The following RNF180 variants were observed in gnomAD, a reference collection of about 807,000 sequenced individuals.
The protein encoded by RNF180 is E3 ubiquitin-protein ligase RNF180.
In RNF180, 38 loss-of-function variants were observed where a neutral mutation model predicts 59.2. The ratio of observed to expected loss-of-function variants is 0.64; its 90% confidence interval spans 0.50 to 0.84. RNF180 has a LOEUF of 0.84. Ranked by LOEUF, RNF180 falls within the 40% of genes least tolerant of loss-of-function variation. RNF180 has a pLI of 0.00. For synonymous variants in RNF180, 262 were observed against 240.3 expected, an observed-to-expected ratio of 1.09 and a Z score of -0.84; for missense variants, 705 against 700.9, an observed-to-expected ratio of 1.01 and a Z score of -0.07.
chr5:64,209,716 A>C (rs1225878433), intron 2 of RNF180, among the ~76,000 whole-genome samples: 1 of 152,098 alleles, frequency 6.6e-6, no homozygotes, highest in Non-Finnish European at 1.5e-5. Context: ...TGGATCTGAT[A>C]ATGAAAAGAT....
chr5:64,233,144 CA>C (rs879618149), intron 5 of RNF180, among the ~76,000 whole-genome samples: 7 of 151,966 alleles, frequency 4.6e-5, no homozygotes, highest in African/African-American at 1.4e-4. Flanking sequence ...TTTTCTCATC[CA>C]AAAAAATGGA....
chr5:64,272,109 T>G (rs1462471035), intron 5 of RNF180, among the ~76,000 whole-genome samples: 1 of 152,208 alleles, frequency 6.6e-6, no homozygotes, highest in East Asian at 1.9e-4. Flanking sequence ...GACATAGAGC[T>G]TAAGGTCTAG....
rs575033437 is a variant in RNF180, at chr5:64,242,434, A to G, written c.1227+25038A>G. On this transcript the variant is annotated intron_variant, in intron 5 of 7. Transcript: ENST00000389100. ...ATGAAGTGCCTGACAACTCAAAATC[A>G]CTGTTTTTAAGAAGCTCACTGAACC... Among the ~76,000 whole-genome samples, 104 of 152,280 alleles carry G rather than the reference A, an allele frequency of 6.8e-4. 1 individual carries two copies. The highest frequency in any genetic ancestry group is 2.5e-3 in the African/African-American group (103 of 41,560).
rs569968841 is a variant in RNF180 at position 64,268,237 on chromosome 5, A to G, written c.1227+50841A>G. On this transcript the variant is annotated intron_variant, in intron 5 of 7. Coordinates refer to ENST00000389100, the MANE Select transcript of RNF180 (RefSeq NM_001113561.2). The stretch of plus-strand genomic sequence containing the variant: ...TCCTACCTTATTTGGGTTTTACTTT[A>G]CAATAGACACAGCAGCAGAGAGTGT... Among the ~76,000 whole-genome samples the G allele has an allele frequency of 9.2e-5, 14 of 152,252 alleles. 2 individuals carry two copies. The highest frequency in any genetic ancestry group is 3.4e-4 in the African/African-American group (14 of 41,564).
chr5:64,331,940 C>T (rs1014955043), intron 7 of RNF180, among the ~76,000 whole-genome samples: 2 of 152,028 alleles, frequency 1.3e-5, no homozygotes, highest in African/African-American at 2.4e-5. Flanking sequence ...CAGCAGAAGC[C>T]GCATGAAGTA....
chr5:64,189,781 C>A (rs1751045795), intron 1 of RNF180, among the ~76,000 whole-genome samples: 1 of 152,180 alleles, frequency 6.6e-6, no homozygotes, highest in African/African-American at 2.4e-5. Flanking sequence ...GTTGGACAAT[C>A]TTTCCATCCA....
intron 5 of RNF180, among the ~76,000 whole-genome samples, chr5:64,291,919 G>A (rs1020644695): frequency 4.6e-5 from 7 of 151,804 alleles, no homozygotes; most frequent in Non-Finnish European, 7.4e-5. Context: ...TCTGTCCTTC[G>A]CTTGATCTCT....
chr5:64,200,154 G>A (rs1423325596), intron 1 of RNF180, among the ~76,000 whole-genome samples: 1 of 152,146 alleles, frequency 6.6e-6, no homozygotes, highest in East Asian at 1.9e-4. Flanking sequence ...CTGTAGGCCA[G>A]ATGCAGTGGT....
intron 3 of RNF180, among the ~76,000 whole-genome samples, chr5:64,212,687 A>G (rs1752372367): frequency 6.6e-6 from 1 of 152,194 alleles, no homozygotes; most frequent in Admixed American, 6.5e-5. Flanking sequence ...TGGTATAATC[A>G]AAATGAAAAT....
At chr5:64,313,984 T>C (rs138583435) in intron 5 of RNF180, among the ~76,000 whole-genome samples, 202 of 152,218 alleles carry the variant, frequency 1.3e-3, no homozygotes, top group African/African-American at 4.6e-3. Context: ...TGTCCTTTGC[T>C]AACTTTTTAA....
chr5:64,332,017 A>G (rs1744932626), intron 7 of RNF180, among the ~76,000 whole-genome samples: 1 of 152,192 alleles, frequency 6.6e-6, no homozygotes, highest in South Asian at 2.1e-4. Context: ...CACAGCAGCC[A>G]GCATGCCTGG....
intron 7 of RNF180, among the ~76,000 whole-genome samples, chr5:64,363,971 T>C (rs1746352634): frequency 6.6e-6 from 1 of 151,788 alleles, no homozygotes; most frequent in Admixed American, 6.6e-5. Flanking sequence ...GCTTATCAGC[T>C]TAAGAACTTT....
At chr5:64,313,977 C>G (rs766281646) in intron 5 of RNF180, among the ~76,000 whole-genome samples, 13 of 152,026 alleles carry the variant, frequency 8.6e-5, no homozygotes, top group Non-Finnish European at 1.2e-4. Context: ...TTGTTCATGT[C>G]CTTTGCTAAC....
rs578242736 is a variant in RNF180 at position 64,318,037 on chromosome 5, A to G, written c.1228-7149A>G. Among the ~76,000 whole-genome samples the G allele has an allele frequency of 2.2e-4, 34 of 152,294 alleles. 1 individual carries two copies. The South Asian group carries it at 6.8e-3, about 31-fold the overall frequency. On this transcript the variant is annotated intron_variant, in intron 5 of 7. Coordinates refer to ENST00000389100, the MANE Select transcript of RNF180 (RefSeq NM_001113561.2). Reference sequence around the variant, plus strand: ...GAATGGATCAATGGGTGCTCAAAGTATGGTTTCTACTGAATGCATATAATT... The same window carrying G: ...GAATGGATCAATGGGTGCTCAAAGTGTGGTTTCTACTGAATGCATATAATT...
At chr5:64,359,353 T>A (rs1450589471) in intron 7 of RNF180, among the ~76,000 whole-genome samples, 2 of 150,658 alleles carry the variant, frequency 1.3e-5, no homozygotes, top group East Asian at 2.0e-4. Context: ...GGTATCTCAT[T>A]GTGGTTTTGA....
intron 5 of RNF180, among the ~76,000 whole-genome samples, chr5:64,277,123 C>G (rs139358309): frequency 6.7e-6 from 1 of 148,894 alleles, no homozygotes; most frequent in Non-Finnish European, 1.5e-5. Flanking sequence ...ATTTGGAGAC[C>G]GAGCTTTTAA....
chr5:64,345,941 G>A (rs1162890461), intron 7 of RNF180, among the ~76,000 whole-genome samples: 1 of 151,880 alleles, frequency 6.6e-6, no homozygotes, highest in Non-Finnish European at 1.5e-5. Flanking sequence ...TTTTCAAAAT[G>A]ACATAAAATA....
At chr5:64,269,280 T>C (rs1744866245) in intron 5 of RNF180, among the ~76,000 whole-genome samples, 2 of 152,178 alleles carry the variant, frequency 1.3e-5, no homozygotes. Context: ...TCACCTGGAC[T>C]GGAGTGCAGT....
At chr5:64,188,000 G>C (rs1329978945) in intron 1 of RNF180, among the ~76,000 whole-genome samples, 2 of 152,146 alleles carry the variant, frequency 1.3e-5, no homozygotes, top group Non-Finnish European at 2.9e-5. Flanking sequence ...GGCCTGCTTG[G>C]ATTTGGACTC....
Sources: gnomAD v4.1 joint callset for allele counts (sites outside exome capture counted in the v4.1 genomes callset) on GRCh38, gnomAD v4.1.1 for gene constraint, MANE v1.5 for transcripts, NCBI Gene and HGNC (gene_info 2026-07-23, HGNC 2026-07-21) for gene names.